Variants in CLVS2 observed in about 807,000 individuals in gnomAD.
CLVS2 encodes the protein clavesin 2.
CLVS2 carries 19 observed loss-of-function variants against 29.0 expected under a neutral mutation model. That is an observed-to-expected ratio of 0.66 (90% CI 0.46 to 0.96). The LOEUF (loss-of-function observed/expected upper bound fraction) is 0.96, where lower values mean the gene tolerates loss of function less well. CLVS2 is among the 40% of genes least tolerant of loss of function. CLVS2 has a pLI of 0.00. For missense variants in CLVS2, 294 were observed against 404.1 expected, an observed-to-expected ratio of 0.73 and a Z score of 2.34; for synonymous variants, 161 against 151.3, an observed-to-expected ratio of 1.06 and a Z score of -0.47.
intron 5 of CLVS2, among the ~76,000 whole-genome samples, chr6:123,059,200 G>A (rs1198029245): frequency 3.3e-5 from 5 of 151,990 alleles, no homozygotes; most frequent in Non-Finnish European, 7.4e-5. Context: ...TCAGCTCCTC[G>A]AAAGAGTCTT....
chr6:123,009,917 C>T (rs1040328657), intron 2 of CLVS2, among the ~76,000 whole-genome samples: 1 of 151,952 alleles, frequency 6.6e-6, no homozygotes, highest in East Asian at 1.9e-4. Context: ...TGGGCTCTCC[C>T]CTGAGTTTAG....
chr6:123,039,388 A>G (rs1301415537), intron 3 of CLVS2, among the ~76,000 whole-genome samples: 1 of 152,192 alleles, frequency 6.6e-6, no homozygotes, highest in Non-Finnish European at 1.5e-5. Context: ...CTTTGATTAA[A>G]AGTGGCACAG....
chr6:123,030,857 C>T (rs1305278571), intron 3 of CLVS2, among the ~76,000 whole-genome samples: 13 of 148,030 alleles, frequency 8.8e-5, no homozygotes, highest in Admixed American at 7.5e-4. Context: ...TATACACACA[C>T]ATATATATTC....
rs1275671955 is a variant in CLVS2, at chr6:123,037,851, G to A, written c.565-10771G>A. 2.6e-5 allele frequency among the ~76,000 whole-genome samples: 4 copies of A among 152,106 alleles called. No homozygotes were observed. In the East Asian group the frequency reaches 7.7e-4, roughly 29 times the overall value. ...TGCACTAAAATATAAATATTAAAAT[G>A]TGAAGTTTCTATATCAAGCCATATG... On this transcript the variant is annotated intron_variant, in intron 3 of 5. Transcript: ENST00000275162.
At position 123,068,125 on chromosome 6, in the gene CLVS2, C is replaced by T. The variant is rs1050951026; in HGVS notation, c.*4364C>T. 2 of 151,402 alleles carry T rather than the reference C, an allele frequency of 1.3e-5. No homozygotes were observed. The highest frequency in any genetic ancestry group is 4.8e-5 in the African/African-American group (2 of 41,392). The allele number at this position is 151,402 out of a possible 1,614,324, so 9.4% of individuals were successfully genotyped here. On this transcript the variant is annotated 3_prime_UTR_variant, in exon 6 of 6. Transcript: ENST00000275162. ...GTACTAACTATGGGAATGAATTCTC[C>T]AGTACCATAGGAAAATATATAAGAT...
Position 123,063,820 on chromosome 6 carries a change from G to A in CLVS2, c.*59G>A. On this transcript the variant is annotated 3_prime_UTR_variant, in exon 6 of 6. Transcript: ENST00000275162. Reference sequence around the variant, plus strand: ...TGGAAAGTATTGGTTTTCAGCAACAGGGACAACACTGTAGAGGAATTACCA... The same window carrying A: ...TGGAAAGTATTGGTTTTCAGCAACAAGGACAACACTGTAGAGGAATTACCA... 1.8e-6 allele frequency: 2 copies of A among 1,131,536 alleles called. No individual in the cohort carries two copies. The highest frequency in any genetic ancestry group is 1.9e-4 in the Middle Eastern group (1 of 5,134). 70.1% of individuals were successfully genotyped at this position (1,131,536 alleles called of 1,614,324 possible). A position where few individuals can be genotyped will look rare whatever the true frequency, so the allele number is the denominator to read the frequency against.
intron 2 of CLVS2, among the ~76,000 whole-genome samples, chr6:123,004,372 C>A (rs1431644346): frequency 6.6e-6 from 1 of 152,184 alleles, no homozygotes; most frequent in African/African-American, 2.4e-5. Context: ...ATTCCCACAG[C>A]AGTAAAATTA....
chr6:123,046,224 A>G (rs1772507280), intron 3 of CLVS2, among the ~76,000 whole-genome samples: 1 of 152,142 alleles, frequency 6.6e-6, no homozygotes, highest in South Asian at 2.1e-4. Context: ...GTGATTGGGT[A>G]TTGATCAAGT....
chr6:123,020,258 C>T (rs536846648), intron 3 of CLVS2, among the ~76,000 whole-genome samples: 196 of 152,070 alleles, frequency 1.3e-3, no homozygotes, highest in African/African-American at 4.4e-3. Context: ...TTATACTTAC[C>T]AGTAGAGTAT....
At position 123,055,897 on chromosome 6, in the gene CLVS2, A is replaced by AT; in HGVS notation, c.768dup (p.Asp257Ter). On this transcript the variant is annotated frameshift_variant, in exon 5 of 6. Coordinates refer to ENST00000275162, the MANE Select transcript of CLVS2 (RefSeq NM_001010852.4). LOFTEE classifies it high-confidence loss of function. ...GAGTTTGGAGGAATGCTGCCTCCTT[A>AT]TGACATGGGGACATGGGCAAGAACA... 6.2e-7 allele frequency: 1 copy of AT among 1,614,054 alleles called. No individual in the cohort carries two copies. The highest frequency in any genetic ancestry group is 1.1e-5 in the South Asian group (1 of 91,090).
rs773317056 is a variant in CLVS2, at chr6:123,011,081, A to T, written c.486A>T (p.Ile162=). 1.7e-5 allele frequency: 27 copies of T among 1,611,884 alleles called. No individual in the cohort carries two copies. Among genetic ancestry groups the T allele is most frequent in the Middle Eastern group, 3.3e-4 (2 of 6,072 alleles). The change falls in exon 3 of 6, where the codon ATA becomes ATT. Residue 162 remains isoleucine, a synonymous_variant. Transcript: ENST00000275162. ...AAGTGAATGGGTTTGTTTTGATCAT[A>T]GACTGGAGTAACTTCACTTTCAAGC... ...ELQVNGFVLI[I]DWSNFTFKQA...
intron 2 of CLVS2, among the ~76,000 whole-genome samples, chr6:122,999,915 A>G (rs1774564375): frequency 6.6e-6 from 1 of 152,186 alleles, no homozygotes; most frequent in Admixed American, 6.5e-5. Context: ...AGTCACTTAT[A>G]GTTTTCATAT....
intron 4 of CLVS2, among the ~76,000 whole-genome samples, chr6:123,050,191 AT>A (rs1030846682): frequency 1.8e-4 from 28 of 152,302 alleles, no homozygotes; most frequent in Admixed American, 3.3e-4. Flanking sequence ...ATTAATTCAT[AT>A]TTTGGAATTC....
intron 3 of CLVS2, among the ~76,000 whole-genome samples, chr6:123,019,341 T>C (rs1268984998): frequency 6.6e-6 from 1 of 152,092 alleles, no homozygotes; most frequent in Non-Finnish European, 1.5e-5. Context: ...GTTTTGCTTA[T>C]GTTCTGTGAA....
chr6:122,998,221 T>A, intron 2 of CLVS2, 55 bp downstream of exon 2: 1 of 1,536,238 alleles, frequency 6.5e-7, no homozygotes, highest in South Asian at 1.2e-5. Flanking sequence ...TTTCCAGAAT[T>A]TACCCCGAGT....
intron 2 of CLVS2, among the ~76,000 whole-genome samples, chr6:122,999,574 T>C (rs1446222492): frequency 6.6e-6 from 1 of 152,218 alleles, no homozygotes; most frequent in East Asian, 1.9e-4. Context: ...TTTTATTCAT[T>C]GACCACAATT....
chr6:123,050,437 G>A (rs1772588705), intron 4 of CLVS2, among the ~76,000 whole-genome samples: 1 of 152,148 alleles, frequency 6.6e-6, no homozygotes, highest in Non-Finnish European at 1.5e-5. Flanking sequence ...TTTTATGGAT[G>A]GAAAAATTAG....
chr6:123,046,893 C>A (rs1277811598), intron 3 of CLVS2, among the ~76,000 whole-genome samples: 2 of 152,082 alleles, frequency 1.3e-5, no homozygotes, highest in Non-Finnish European at 2.9e-5. Context: ...GCCAAGCACA[C>A]ACTAAAATCT....
In CLVS2 at chr6:123,007,595, G is replaced by A. The variant is rs562756743; in HGVS notation, c.390-3390G>A. Among the ~76,000 whole-genome samples the A allele has an allele frequency of 1.3e-4, 20 of 152,246 alleles. 1 individual carries two copies. Among genetic ancestry groups the A allele is most frequent in the Admixed American group, 6.5e-5 (1 of 15,274 alleles). On this transcript the variant is annotated intron_variant, in intron 2 of 5. Transcript: ENST00000275162. Reference sequence around the variant, plus strand: ...GTACATAGTTGCTATGGGTATTAAAGTCTGCTCCATATGTTTTTTATGTGT... The same window carrying A: ...GTACATAGTTGCTATGGGTATTAAAATCTGCTCCATATGTTTTTTATGTGT...
Sources: gnomAD v4.1 joint callset for allele counts (sites outside exome capture counted in the v4.1 genomes callset) on GRCh38, gnomAD v4.1.1 for gene constraint, MANE v1.5 for transcripts, NCBI Gene and HGNC (gene_info 2026-07-23, HGNC 2026-07-21) for gene names.